The following PIBF1 variants were observed in gnomAD, a reference collection of about 807,000 sequenced individuals.
PIBF1 encodes the protein progesterone-induced-blocking factor 1.
A neutral mutation model predicts 112.5 loss-of-function variants in PIBF1; 90 were observed. The observed-to-expected ratio is 0.80, with a 90% CI of 0.67 to 0.95. The LOEUF (loss-of-function observed/expected upper bound fraction) is 0.95. Ranked by LOEUF, PIBF1 falls within the 40% of genes least tolerant of loss-of-function variation. The pLI is 0.00. For synonymous variants in PIBF1, 301 were observed against 288.6 expected (o/e 1.04, Z -0.44); for missense variants, 915 against 852.3 (o/e 1.07, Z -0.92).
In PIBF1 at chr13:72,840,253, T is replaced by C. The variant is rs924302447; in HGVS notation, c.1223+4885T>C. Among the ~76,000 whole-genome samples, 6 of 152,322 alleles carry C rather than the reference T, an allele frequency of 3.9e-5. No homozygotes were observed. In the East Asian group the frequency reaches 1.2e-3, roughly 29 times the overall value. On this transcript the variant is annotated intron_variant, in intron 9 of 17. Coordinates refer to ENST00000326291, the MANE Select transcript of PIBF1 (RefSeq NM_006346.4). ...CTTCCACACAGTAAAAAGTAAATTA[T>C]AAATTACTTCTTTTGAAATCTTAGA...
At chr13:72,790,533 AG>A (rs2138376345) in intron 2 of PIBF1, among the ~76,000 whole-genome samples, 1 of 150,160 alleles carries the variant, frequency 6.7e-6, no homozygotes, top group Non-Finnish European at 1.5e-5. Context: ...ATAGATAGAT[AG>A]ATAGATAGAT....
intron 2 of PIBF1, among the ~76,000 whole-genome samples, chr13:72,789,962 A>G (rs2034812530): frequency 6.6e-6 from 1 of 152,176 alleles, no homozygotes; most frequent in Non-Finnish European, 1.5e-5. Context: ...TTTACATTTT[A>G]TATTGATTTA....
At chr13:72,838,476 A>G (rs889559825) in intron 9 of PIBF1, among the ~76,000 whole-genome samples, 6 of 152,252 alleles carry the variant, frequency 3.9e-5, no homozygotes, top group African/African-American at 1.4e-4. Context: ...CAAATCAGGC[A>G]GCTTCCAGAA....
chr13:72,827,757 A>T lies in PIBF1; in HGVS notation c.940A>T (p.Thr314Ser). ...GGTAGTCACCTTAGAGCAAACTGTT[A>T]CTTTACTGCAAAAGGATAAAGAATA... ...KEVVTLEQTV[T>S]LLQKDKEYLN... Residue 314 changes from threonine to serine, a missense_variant, in exon 8 of 18, where the codon ACT becomes TCT. Transcript: ENST00000326291. 1 of 1,589,808 alleles carries T rather than the reference A, an allele frequency of 6.3e-7. No homozygotes were observed. The highest frequency in any genetic ancestry group is 2.3e-5 in the East Asian group (1 of 43,766).
At chr13:72,870,445 T>C (rs2039115884) in intron 10 of PIBF1, among the ~76,000 whole-genome samples, 3 of 152,186 alleles carry the variant, frequency 2.0e-5, no homozygotes, top group African/African-American at 7.2e-5. Flanking sequence ...GATTTCTCTT[T>C]GTTGGAGTAT....
chr13:72,885,266 T>C (rs1044522183), intron 10 of PIBF1, among the ~76,000 whole-genome samples: 1 of 152,182 alleles, frequency 6.6e-6, no homozygotes, highest in Admixed American at 6.5e-5. Flanking sequence ...GCTTCTCTTT[T>C]CTTCACTCTC....
chr13:72,796,573 TA>T (rs1055408252), intron 4 of PIBF1, among the ~76,000 whole-genome samples: 7 of 152,098 alleles, frequency 4.6e-5, no homozygotes, highest in African/African-American at 1.7e-4. Flanking sequence ...TGGTGGTTGC[TA>T]TTCTTGGTTC....
At chr13:72,813,942 C>T (rs944155775) in intron 5 of PIBF1, among the ~76,000 whole-genome samples, 4 of 152,076 alleles carry the variant, frequency 2.6e-5, no homozygotes, top group African/African-American at 4.8e-5. Context: ...AACAGATTGT[C>T]GGCAGAGCTC....
chr13:72,998,471 TA>T (rs71198167), intron 16 of PIBF1, among the ~76,000 whole-genome samples: 1,742 of 135,458 alleles, frequency 0.013, 61 homozygotes, highest in Middle Eastern at 0.019. Flanking sequence ...AGATCCTATC[TA>T]AAAAAAAAAA....
chr13:72,890,823 G>C (rs2040027463), intron 10 of PIBF1, among the ~76,000 whole-genome samples: 2 of 152,252 alleles, frequency 1.3e-5, no homozygotes, highest in African/African-American at 4.8e-5. Context: ...GTTCCTCACT[G>C]TTGGAGCTAC....
At chr13:72,923,447 G>C (rs1224695867) in intron 13 of PIBF1, among the ~76,000 whole-genome samples, 1 of 152,180 alleles carries the variant, frequency 6.6e-6, no homozygotes, top group African/African-American at 2.4e-5. Flanking sequence ...CAATATACTG[G>C]TGGTGGTAGT....
intron 9 of PIBF1, among the ~76,000 whole-genome samples, chr13:72,843,714 A>C (rs537920390): frequency 6.6e-6 from 1 of 152,162 alleles, no homozygotes; most frequent in South Asian, 2.1e-4. Flanking sequence ...GCCTGGCCTA[A>C]TTTCTGATCT....
At chr13:72,899,511 A>G (rs2040406552) in intron 11 of PIBF1, among the ~76,000 whole-genome samples, 1 of 152,212 alleles carries the variant, frequency 6.6e-6, no homozygotes, top group South Asian at 2.1e-4. Flanking sequence ...ACAGAATTAA[A>G]AACAAAAATT....
intron 14 of PIBF1, among the ~76,000 whole-genome samples, chr13:72,950,210 C>A (rs558102467): frequency 6.6e-6 from 1 of 152,270 alleles, no homozygotes; most frequent in African/African-American, 2.4e-5. Flanking sequence ...TAATTCTAGT[C>A]TGTACTCTAT....
intron 5 of PIBF1, among the ~76,000 whole-genome samples, chr13:72,820,743 G>A (rs1170429126): frequency 6.6e-6 from 1 of 152,134 alleles, no homozygotes; most frequent in Non-Finnish European, 1.5e-5. Flanking sequence ...TACTTAAGCA[G>A]TAATGACTTA....
chr13:72,988,463 T>C lies in PIBF1; in HGVS notation c.2050-10359T>C, dbSNP rs114357795. Among the ~76,000 whole-genome samples the C allele has an allele frequency of 6.9e-3, 1,047 of 152,242 alleles. 13 individuals are homozygous for C. Among genetic ancestry groups the C allele is most frequent in the African/African-American group, 0.024 (1,010 of 41,534 alleles). The stretch of plus-strand genomic sequence containing the variant: ...TAACAGCAGTTTGCAGTTGCAGATA[T>C]TAATACTATTCTACAATTTGCAGTA... On this transcript the variant is annotated intron_variant, in intron 16 of 17. Transcript: ENST00000326291.
chr13:72,861,068 A>T (rs1028408630), intron 10 of PIBF1, among the ~76,000 whole-genome samples: 1 of 152,172 alleles, frequency 6.6e-6, no homozygotes, highest in Non-Finnish European at 1.5e-5. Context: ...TGGGATCTAA[A>T]ATGTAAGGTT....
chr13:73,002,861 G>A (rs964093703), intron 17 of PIBF1, among the ~76,000 whole-genome samples: 50 of 151,822 alleles, frequency 3.3e-4, no homozygotes, highest in Non-Finnish European at 4.4e-5. Flanking sequence ...GTGCATGCCT[G>A]TAGTCCCAGC....
chr13:72,931,979 T>A (rs902389107), intron 14 of PIBF1, among the ~76,000 whole-genome samples: 11 of 143,826 alleles, frequency 7.6e-5, no homozygotes, highest in Non-Finnish European at 1.3e-4. Flanking sequence ...TCTGGCTTTA[T>A]CGCCCAGACT....
Sources: allele counts gnomAD v4.1 joint callset (sites outside exome capture counted in the v4.1 genomes callset), GRCh38; gene constraint gnomAD v4.1.1; transcripts MANE v1.5; gene names NCBI Gene and HGNC (gene_info 2026-07-23, HGNC 2026-07-21).